Variants in C1orf105 observed in about 807,000 individuals in gnomAD.
C1orf105 encodes the protein uncharacterized protein C1orf105.
C1orf105 carries 17 observed loss-of-function variants against 20.8 expected under a neutral mutation model. The observed-to-expected ratio is 0.82, with a 90% CI of 0.56 to 1.23. The LOEUF (loss-of-function observed/expected upper bound fraction) is 1.23. Ranked by LOEUF, C1orf105 falls within the 50% of genes most tolerant of loss-of-function variation. The pLI is 0.00. For missense variants in C1orf105, 219 were observed against 213.5 expected, an observed-to-expected ratio of 1.03 and a Z score of -0.16; for synonymous variants, 72 against 72.1, an observed-to-expected ratio of 1.00 and a Z score of 0.01.
At chr1:172,456,006 A>T (rs1206167368) in intron 3 of C1orf105, among the ~76,000 whole-genome samples, 2 of 152,222 alleles carry the variant, frequency 1.3e-5, no homozygotes, top group African/African-American at 4.8e-5. Context: ...AGAGATCCTC[A>T]GTCTATATGG....
At chr1:172,454,414 G>A (rs923455560) in intron 3 of C1orf105, among the ~76,000 whole-genome samples, 2 of 151,790 alleles carry the variant, frequency 1.3e-5, no homozygotes, top group Non-Finnish European at 2.9e-5. Flanking sequence ...GAGGGATGGA[G>A]GGAGGAGCTG....
chr1:172,464,062 G>GT (rs143891709), intron 5 of C1orf105, among the ~76,000 whole-genome samples: 8,771 of 152,144 alleles, frequency 0.058, 282 homozygotes, highest in Middle Eastern at 0.13. Context: ...TGAAATTGTG[G>GT]TTTTTTAAAA....
chr1:172,452,945 C>A, intron 3 of C1orf105: 2 of 1,536,048 alleles, frequency 1.3e-6, no homozygotes, highest in Non-Finnish European at 1.8e-6. Context: ...CGTAAGGAAA[C>A]CGAGTGAGAA....
At chr1:172,455,053 A>T (rs977601838) in intron 3 of C1orf105, among the ~76,000 whole-genome samples, 1 of 152,244 alleles carries the variant, frequency 6.6e-6, no homozygotes, top group African/African-American at 2.4e-5. Context: ...TTACTGTTGA[A>T]TGAATGAATC....
At chr1:172,454,898 T>C (rs2149184247) in intron 3 of C1orf105, among the ~76,000 whole-genome samples, 1 of 152,334 alleles carries the variant, frequency 6.6e-6, no homozygotes, top group Admixed American at 6.5e-5. Context: ...TATTTAAATG[T>C]CTCCAGTACC....
chr1:172,457,972 C>T (rs948525428), intron 4 of C1orf105, among the ~76,000 whole-genome samples: 1 of 152,202 alleles, frequency 6.6e-6, no homozygotes, highest in African/African-American at 2.4e-5. Flanking sequence ...GGAGGGACTG[C>T]AGGTCTGCTG....
At chr1:172,462,429 C>T (rs1249730223) in intron 5 of C1orf105, among the ~76,000 whole-genome samples, 184 bp downstream of exon 5, 1 of 152,146 alleles carries the variant, frequency 6.6e-6, no homozygotes, top group Non-Finnish European at 1.5e-5. Context: ...CACCTTTTTG[C>T]TTGAACAACT....
intron 1 of C1orf105, among the ~76,000 whole-genome samples, chr1:172,436,295 G>A (rs1252967564): frequency 2.6e-5 from 4 of 152,168 alleles, no homozygotes; most frequent in African/African-American, 7.2e-5. Context: ...ACAATCCTAA[G>A]TAAAAAGAAC....
At chr1:172,442,350 A>C (rs1558132306) in intron 1 of C1orf105, 2 of 1,613,212 alleles carry the variant, frequency 1.2e-6, no homozygotes, top group South Asian at 2.2e-5. Flanking sequence ...TCAGTGAAGA[A>C]GCCAGACCAG....
rs530661751 is a variant in C1orf105 at position 172,462,101 on chromosome 1, T to C, written c.274-77T>C. ...CTTTGACATCAAATACAACACAAAT[T>C]CACTAAAGTGGTACATTATTTATTT... On this transcript the variant is annotated intron_variant, in intron 4 of 6. Transcript: ENST00000367727. 116 of 1,085,644 alleles carry C rather than the reference T, an allele frequency of 1.1e-4. 2 individuals are homozygous for C. In the East Asian group the frequency reaches 2.6e-3, roughly 25 times the overall value. 67.3% of individuals were successfully genotyped at this position (1,085,644 alleles called of 1,614,324 possible).
intron 3 of C1orf105, among the ~76,000 whole-genome samples, chr1:172,452,500 AG>A (rs1648759535): frequency 6.6e-6 from 1 of 152,128 alleles, no homozygotes; most frequent in Non-Finnish European, 1.5e-5. Flanking sequence ...TTATGTGAAC[AG>A]GTGTGTAAGA....
intron 3 of C1orf105, chr1:172,452,744 GCCAGGCTACA>G: frequency 7.9e-7 from 1 of 1,260,724 alleles, no homozygotes; most frequent in Non-Finnish European, 1.0e-6. Flanking sequence ...TCATACCTTG[GCCAGGCTACA>G]CATAGGTTGC....
intron 1 of C1orf105, among the ~76,000 whole-genome samples, chr1:172,423,220 C>T (rs2071635791): frequency 6.6e-6 from 1 of 152,226 alleles, no homozygotes; most frequent in Non-Finnish European, 1.5e-5. Context: ...AGGGCAGTCC[C>T]AGTAGTGGTG....
At position 172,448,422 on chromosome 1, in the gene C1orf105, T is replaced by C; in HGVS notation, c.108-19T>C. On this transcript the variant is annotated intron_variant, in intron 2 of 6. Transcript: ENST00000367727. The stretch of plus-strand genomic sequence containing the variant: ...ACATGGGACTGCGGTTCTAACGTTC[T>C]CTTGTTTTAATTACTTAGATATCCT... 3 of 1,551,318 alleles carry C rather than the reference T, an allele frequency of 1.9e-6. No homozygotes were observed. Among genetic ancestry groups the C allele is most frequent in the Non-Finnish European group, 2.7e-6 (3 of 1,125,890 alleles).
chr1:172,451,767 T>C (rs1163851326), intron 3 of C1orf105, among the ~76,000 whole-genome samples: 1 of 151,974 alleles, frequency 6.6e-6, no homozygotes, highest in Non-Finnish European at 1.5e-5. Flanking sequence ...AGAAGGAACA[T>C]GTGTAATATC....
At chr1:172,461,973 G>A (rs1485059497) in intron 4 of C1orf105, among the ~76,000 whole-genome samples, 1 of 152,196 alleles carries the variant, frequency 6.6e-6, no homozygotes, top group Non-Finnish European at 1.5e-5. Flanking sequence ...TACTAAATCT[G>A]TGTATCTAAT....
chr1:172,447,420 C>T (rs905553521), intron 2 of C1orf105, among the ~76,000 whole-genome samples: 3 of 152,168 alleles, frequency 2.0e-5, no homozygotes, highest in African/African-American at 4.8e-5. Context: ...CCACACTCAT[C>T]GTCAGTCTCC....
chr1:172,424,883 T>TGAA (rs2071684913), intron 1 of C1orf105, among the ~76,000 whole-genome samples: 2 of 152,124 alleles, frequency 1.3e-5, no homozygotes, highest in Admixed American at 1.3e-4. Flanking sequence ...CCCACAGTGT[T>TGAA]CTCACTGACC....
chr1:172,437,520 G>A (rs1286139768), intron 1 of C1orf105, among the ~76,000 whole-genome samples: 2 of 145,684 alleles, frequency 1.4e-5, no homozygotes, highest in Non-Finnish European at 3.0e-5. Flanking sequence ...TCACTCATAG[G>A]TGGGATTGAA....
Sources: allele counts gnomAD v4.1 joint callset (sites outside exome capture counted in the v4.1 genomes callset), GRCh38; gene constraint gnomAD v4.1.1; transcripts MANE v1.5; gene names NCBI Gene and HGNC (gene_info 2026-07-23, HGNC 2026-07-21).